Variants in SLC2A13 observed in about 807,000 individuals in gnomAD.
SLC2A13 encodes solute carrier family 2 member 13.
In SLC2A13, 32 loss-of-function variants were observed where a neutral mutation model predicts 64.4. That is an observed-to-expected ratio of 0.50 (90% CI 0.37 to 0.67). The LOEUF (loss-of-function observed/expected upper bound fraction) is 0.67. Ranked by LOEUF, SLC2A13 falls within the 30% of genes least tolerant of loss-of-function variation. The pLI is 0.00. For synonymous variants in SLC2A13, 338 were observed against 327.1 expected, an observed-to-expected ratio of 1.03 and a Z score of -0.36; for missense variants, 743 against 829.2, an observed-to-expected ratio of 0.90 and a Z score of 1.28.
intron 4 of SLC2A13, among the ~76,000 whole-genome samples, chr12:39,934,353 C>T (rs551334761): frequency 1.2e-3 from 183 of 152,270 alleles, no homozygotes; most frequent in African/African-American, 4.3e-3. Context: ...GAATGCTAAT[C>T]GAATGTTGAT....
chr12:39,992,000 A>G (rs1947146399), intron 3 of SLC2A13, among the ~76,000 whole-genome samples: 1 of 152,158 alleles, frequency 6.6e-6, no homozygotes, highest in African/African-American at 2.4e-5. Flanking sequence ...GCATGCTACC[A>G]TTGCCCCAAA....
Position 40,105,735 on chromosome 12 carries a change from C to T in SLC2A13, c.74G>A (p.Arg25Lys). ...CGCCGCGTCCGGCTCCGGCTGCTTCCTGCGCCGCTCGCCCATCAGGCTGCT... is the reference window on the plus strand; with the variant it reads ...CGCCGCGTCCGGCTCCGGCTGCTTCTTGCGCCGCTCGCCCATCAGGCTGCT... ...SLSSLMGERR[R>K]KQPEPDAASA... The change falls in exon 1 of 10, where the codon AGG becomes AAG. Residue 25 changes from arginine to lysine, a missense_variant. By Grantham distance (26) the Arg-to-Lys change is conservative (BLOSUM62 2). This residue lies in a region of SLC2A13 where 448 missense variants were observed against 447.4 expected (regional missense o/e 1.00). Coordinates refer to ENST00000280871, the MANE Select transcript of SLC2A13 (RefSeq NM_052885.4). This position sits in a 1 kb window ranked among gnomAD's most constrained non-coding sequence, Gnocchi z 4.2. 1 of 1,486,748 alleles carries T rather than the reference C, an allele frequency of 6.7e-7. No homozygotes were observed. Among genetic ancestry groups the T allele is most frequent in the South Asian group, 1.3e-5 (1 of 77,826 alleles). 92.1% of individuals were successfully genotyped at this position (1,486,748 alleles called of 1,614,324 possible). A position where few individuals can be genotyped will look rare whatever the true frequency, so the allele number is the denominator to read the frequency against.
At chr12:40,025,844 T>G (rs1003773972) in intron 3 of SLC2A13, among the ~76,000 whole-genome samples, 6 of 152,240 alleles carry the variant, frequency 3.9e-5, no homozygotes, top group African/African-American at 1.4e-4. Flanking sequence ...TACTTTGAAG[T>G]TAGCCATTCT....
At chr12:40,026,355 G>A (rs1947806328) in intron 3 of SLC2A13, among the ~76,000 whole-genome samples, 1 of 152,110 alleles carries the variant, frequency 6.6e-6, no homozygotes, top group African/African-American at 2.4e-5. Flanking sequence ...GGGGAATAGG[G>A]AATTATTTTA....
Position 39,877,286 on chromosome 12 carries a change from A to G in SLC2A13, c.1035-5325T>C, listed in dbSNP as rs148835397. Among the ~76,000 whole-genome samples the G allele has an allele frequency of 2.0e-3, 303 of 152,256 alleles. 2 individuals are homozygous for G. Among genetic ancestry groups the G allele is most frequent in the African/African-American group, 6.8e-3 (283 of 41,556 alleles). ...CATGGTGGAAGGCAAAGGAGAGCAAAGGTATGTCTTACACGGTGGCAGGCA... is the reference window on the plus strand; with the variant it reads ...CATGGTGGAAGGCAAAGGAGAGCAAGGGTATGTCTTACACGGTGGCAGGCA... On this transcript the variant is annotated intron_variant, in intron 4 of 9. Transcript: ENST00000280871.
intron 3 of SLC2A13, among the ~76,000 whole-genome samples, chr12:40,009,853 G>A (rs969022022): frequency 2.0e-5 from 3 of 152,224 alleles, no homozygotes; most frequent in African/African-American, 7.2e-5. Flanking sequence ...AGAAGAGGCA[G>A]ACTGACAATT....
intron 6 of SLC2A13, among the ~76,000 whole-genome samples, chr12:39,861,979 G>A (rs143165683): frequency 5.9e-5 from 9 of 152,148 alleles, no homozygotes; most frequent in African/African-American, 1.9e-4. Flanking sequence ...CCATCACCTA[G>A]GTATTAAGCC....
intron 4 of SLC2A13, among the ~76,000 whole-genome samples, chr12:39,898,428 C>T (rs1324833238): frequency 2.0e-5 from 3 of 152,016 alleles, no homozygotes; most frequent in Non-Finnish European, 4.4e-5. Flanking sequence ...GTAAAATAAC[C>T]AGTGTTTGTG....
chr12:40,029,447 A>G (rs1294937239), intron 2 of SLC2A13, among the ~76,000 whole-genome samples: 3 of 152,176 alleles, frequency 2.0e-5, no homozygotes, highest in African/African-American at 7.2e-5. Flanking sequence ...ATTCCTAACA[A>G]TAGAGCTCAG....
At chr12:39,839,029 C>T (rs901975293) in intron 6 of SLC2A13, among the ~76,000 whole-genome samples, 1 of 152,030 alleles carries the variant, frequency 6.6e-6, no homozygotes, top group Admixed American at 6.6e-5. Context: ...TGTGCTCACT[C>T]ACTCCTTCTT....
At chr12:39,807,967 CT>C (rs1331597823) in intron 7 of SLC2A13, among the ~76,000 whole-genome samples, 9 of 152,104 alleles carry the variant, frequency 5.9e-5, no homozygotes, top group Non-Finnish European at 1.2e-4. Flanking sequence ...AAATCCAGTA[CT>C]TTAATCATCT....
At chr12:39,925,393 A>G (rs890386289) in intron 4 of SLC2A13, among the ~76,000 whole-genome samples, 3 of 152,128 alleles carry the variant, frequency 2.0e-5, no homozygotes, top group African/African-American at 4.8e-5. Flanking sequence ...GATGAACTAA[A>G]TGTATTTTAA....
intron 3 of SLC2A13, among the ~76,000 whole-genome samples, chr12:39,972,044 TA>T (rs371097421): frequency 1.1e-3 from 2 of 1,796 alleles, no homozygotes; most frequent in Non-Finnish European, 2.3e-3. Context: ...ATATATAAAT[TA>T]TATATAATAT....
chr12:40,005,353 T>C (rs1375766369), intron 3 of SLC2A13, among the ~76,000 whole-genome samples: 1 of 152,108 alleles, frequency 6.6e-6, no homozygotes, highest in Non-Finnish European at 1.5e-5. Flanking sequence ...AACTACCCTT[T>C]AGTATTAGTG....
intron 7 of SLC2A13, among the ~76,000 whole-genome samples, chr12:39,776,058 T>C (rs1273588411): frequency 6.6e-6 from 1 of 152,212 alleles, no homozygotes; most frequent in Non-Finnish European, 1.5e-5. Flanking sequence ...GGAGAAAGTT[T>C]AGTGACTCAT....
intron 4 of SLC2A13, among the ~76,000 whole-genome samples, chr12:39,928,879 A>T (rs1237107916): frequency 6.6e-6 from 1 of 152,194 alleles, no homozygotes; most frequent in African/African-American, 2.4e-5. Context: ...AATTGGAGGT[A>T]CCAAATATCT....
chr12:40,105,998 C>A lies in SLC2A13; in HGVS notation c.-190G>T, dbSNP rs2136314602. On this transcript the variant is annotated 5_prime_UTR_variant, in exon 1 of 10. Transcript: ENST00000280871. This position sits in a 1 kb window ranked among gnomAD's most constrained non-coding sequence, Gnocchi z 4.2. ...GGGGAGAAAGTTGCTGCCCGCCGCG[C>A]TCCGACGCTGCGGAGTTGGAGCCCG... 1.7e-6 allele frequency: 1 copy of A among 604,918 alleles called. No individual in the cohort carries two copies. The highest frequency in any genetic ancestry group is 1.9e-5 in the African/African-American group (1 of 51,456). The allele number at this position is 604,918 out of a possible 1,614,324, so 37.5% of individuals were successfully genotyped here. A position where few individuals can be genotyped will look rare whatever the true frequency, so the allele number is the denominator to read the frequency against.
chr12:39,908,714 T>A (rs143816452), intron 4 of SLC2A13, among the ~76,000 whole-genome samples: 69 of 152,068 alleles, frequency 4.5e-4, no homozygotes, highest in Non-Finnish European at 7.1e-4. Flanking sequence ...GTTTTCACTC[T>A]CACCCTTATA....
chr12:40,051,949 G>A lies in SLC2A13; in HGVS notation c.557-3739C>T, dbSNP rs150878645. ...AAAATTGATTGCAGGGAAGCAACAC[G>A]TACAGTGGCAGCAATGGTGATGGAC... On this transcript the variant is annotated intron_variant, in intron 1 of 9. Coordinates refer to ENST00000280871, the MANE Select transcript of SLC2A13 (RefSeq NM_052885.4). Among the ~76,000 whole-genome samples the A allele has an allele frequency of 2.6e-4, 39 of 152,278 alleles. No homozygotes were observed. In the East Asian group the frequency reaches 6.0e-3, roughly 23 times the overall value.
Sources: allele counts gnomAD v4.1 joint callset (sites outside exome capture counted in the v4.1 genomes callset), GRCh38; gene constraint gnomAD v4.1.1; regional missense constraint gnomAD v4.1.1; non-coding constraint Gnocchi (gnomAD v3.1); transcripts MANE v1.5; gene names NCBI Gene and HGNC (gene_info 2026-07-23, HGNC 2026-07-21).